BNC2: variants seen among roughly 807,000 people sequenced by gnomAD.
BNC2 encodes the protein basonuclin zinc finger protein 2.
Under a neutral mutation model 76.3 loss-of-function variants are expected in BNC2, and 20 were observed. That is an observed-to-expected ratio of 0.26 (90% CI 0.18 to 0.38). The LOEUF (loss-of-function observed/expected upper bound fraction) is 0.38. Among genes scored for constraint, BNC2 ranks in the 10% least tolerant of loss-of-function variants. The pLI, the probability that BNC2 is intolerant of heterozygous loss-of-function variation, is 1.00. For missense variants in BNC2, 1,382 were observed against 1,399.8 expected, an observed-to-expected ratio of 0.99 and a Z score of 0.20; for synonymous variants, 582 against 514.8, an observed-to-expected ratio of 1.13 and a Z score of -1.77.
intron 1 of BNC2, among the ~76,000 whole-genome samples, chr9:16,819,817 T>TG (rs1818274529): frequency 3.9e-5 from 6 of 151,910 alleles, no homozygotes; most frequent in Admixed American, 3.9e-4. Flanking sequence ...ATATGTATTT[T>TG]TTTTTTATCT....
intron 5 of BNC2, among the ~76,000 whole-genome samples, chr9:16,506,258 T>C (rs1314287938): frequency 6.6e-6 from 1 of 152,090 alleles, no homozygotes; most frequent in Non-Finnish European, 1.5e-5. Flanking sequence ...TATGTGAGAG[T>C]AGACGAAGGC....
Position 16,810,196 on chromosome 9 carries a change from C to G in BNC2, c.3+60450G>C, listed in dbSNP as rs192992923. Reference sequence around the variant, plus strand: ...CATTATAATATGAATTGTCCCTGACCTGTCTACTAGGGCCCACTGTTATGC... The same window carrying G: ...CATTATAATATGAATTGTCCCTGACGTGTCTACTAGGGCCCACTGTTATGC... On this transcript the variant is annotated intron_variant, in intron 1 of 6. Transcript: ENST00000380672. Among the ~76,000 whole-genome samples, 24 of 152,314 alleles carry G rather than the reference C, an allele frequency of 1.6e-4. No individual in the cohort carries two copies. In the East Asian group the frequency reaches 3.9e-3, roughly 24 times the overall value.
intron 3 of BNC2, among the ~76,000 whole-genome samples, chr9:16,660,177 G>A (rs139856173): frequency 0.011 from 1,749 of 152,254 alleles, 29 homozygotes; most frequent in African/African-American, 0.039. Context: ...CTTTGGGGCC[G>A]GGCGCGGTGG....
At chr9:16,803,555 G>C (rs1198499251) in intron 1 of BNC2, among the ~76,000 whole-genome samples, 1 of 152,194 alleles carries the variant, frequency 6.6e-6, no homozygotes, top group African/African-American at 2.4e-5. Context: ...TTGCAATGAA[G>C]GGAAGGACAT....
intron 1 of BNC2, among the ~76,000 whole-genome samples, chr9:16,796,924 C>T (rs2253548): frequency 0.99 from 150,288 of 152,304 alleles, 74,173 homozygotes; most frequent in East Asian, 1. Context: ...GCAAGTTGAA[C>T]ACTTGCTTCA....
intron 3 of BNC2, chr9:16,626,233 C>T (rs1346549763): frequency 1.3e-5 from 2 of 152,210 alleles, no homozygotes; most frequent in Admixed American, 6.5e-5. Context: ...GGCAACCACA[C>T]ATGACCCTGT....
intron 3 of BNC2, among the ~76,000 whole-genome samples, chr9:16,634,747 C>T (rs189328754): frequency 1.3e-5 from 2 of 152,182 alleles, no homozygotes; most frequent in East Asian, 1.9e-4. Flanking sequence ...GTGATCTACC[C>T]GCCTCAGCCT....
chr9:16,700,018 T>G (rs1199127150), intron 3 of BNC2, among the ~76,000 whole-genome samples: 1 of 152,252 alleles, frequency 6.6e-6, no homozygotes, highest in East Asian at 1.9e-4. Flanking sequence ...GTTGATCCAC[T>G]TTATCTTCTC....
At chr9:16,740,200 T>C (rs1306605977) in intron 1 of BNC2, among the ~76,000 whole-genome samples, 3 of 152,150 alleles carry the variant, frequency 2.0e-5, no homozygotes, top group Non-Finnish European at 4.4e-5. Flanking sequence ...AAGACTTATA[T>C]TTAGGGTATG....
chr9:16,714,961 C>G (rs1823955542), intron 3 of BNC2, among the ~76,000 whole-genome samples: 2 of 152,128 alleles, frequency 1.3e-5, no homozygotes, highest in African/African-American at 4.8e-5. Context: ...TTTCTTGAAG[C>G]AGGTATAAAA....
At chr9:16,580,102 T>C (rs1326538789) in intron 4 of BNC2, 2 of 398,446 alleles carry the variant, frequency 5.0e-6, no homozygotes, top group South Asian at 2.5e-4. Context: ...AAGAATGCTG[T>C]GTTTCACCTC....
chr9:16,814,858 C>T (rs1204811717), intron 1 of BNC2, among the ~76,000 whole-genome samples: 2 of 152,086 alleles, frequency 1.3e-5, no homozygotes, highest in African/African-American at 4.8e-5. Context: ...TTGACAAGTG[C>T]TTTTTTCTTC....
intron 1 of BNC2, among the ~76,000 whole-genome samples, chr9:16,834,246 T>C (rs1165326167): frequency 1.3e-5 from 2 of 152,178 alleles, no homozygotes; most frequent in African/African-American, 4.8e-5. Context: ...TAGTATTTAA[T>C]TTCTACTCTT....
intron 5 of BNC2, among the ~76,000 whole-genome samples, chr9:16,445,589 A>G (rs904694798): frequency 5.9e-5 from 9 of 152,152 alleles, no homozygotes; most frequent in African/African-American, 2.2e-4. Context: ...TCTCAACAGC[A>G]TCCCTTTACC....
In BNC2 at chr9:16,711,391, G is replaced by T. The variant is rs570810688; in HGVS notation, c.330+16406C>A. On this transcript the variant is annotated intron_variant, in intron 3 of 6. Transcript: ENST00000380672. ...GCTAGTTGCAGTATTAGACTGCACT[G>T]CTCTAATTAAAACGGAGTTTACATC... Among the ~76,000 whole-genome samples the T allele has an allele frequency of 6.6e-5, 10 of 152,240 alleles. No homozygotes were observed. The East Asian group carries it at 1.9e-3, about 29-fold the overall frequency.
rs58068661 is a variant in BNC2, at chr9:16,811,230, C to CAAAAAAAAA, written c.3+59407_3+59415dup. 1.6e-3 allele frequency among the ~76,000 whole-genome samples: 157 copies of CAAAAAAAAA among 97,512 alleles called. 1 individual carries two copies. The highest frequency in any genetic ancestry group is 5.4e-3 in the African/African-American group (144 of 26,596). 64.0% of individuals were successfully genotyped at this position (97,512 alleles called of 152,430 possible). A position where few individuals can be genotyped will look rare whatever the true frequency, so the allele number is the denominator to read the frequency against. On this transcript the variant is annotated intron_variant, in intron 1 of 6. Transcript: ENST00000380672. The stretch of plus-strand genomic sequence containing the variant: ...AGAGCGAGACTTCGTCTCAAAAGAC[C>CAAAAAAAAA]AAAAAAAAAAAAAACCAAAAAAACC...
chr9:16,475,260 C>T (rs1397946596), intron 5 of BNC2, among the ~76,000 whole-genome samples: 1 of 152,066 alleles, frequency 6.6e-6, no homozygotes, highest in Non-Finnish European at 1.5e-5. Context: ...GCCTTGTGAA[C>T]ACATCTGTGT....
intron 1 of BNC2, among the ~76,000 whole-genome samples, chr9:16,783,191 C>T (rs1826200280): frequency 6.6e-6 from 1 of 152,052 alleles, no homozygotes; most frequent in African/African-American, 2.4e-5. Flanking sequence ...TAGATTATAC[C>T]ACATTTCCTG....
rs545114414 is a variant in BNC2 at position 16,608,784 on chromosome 9, T to C, written c.331-25699A>G. 6.2e-4 allele frequency among the ~76,000 whole-genome samples: 95 copies of C among 152,136 alleles called. 1 individual carries two copies. Among genetic ancestry groups the C allele is most frequent in the Admixed American group, 1.4e-3 (22 of 15,274 alleles). ...CAGGGAGTCAGTGAGATCTGAAAAA[T>C]AGAGGTACTGTTTCCAAAGCCCGGC... On this transcript the variant is annotated intron_variant, in intron 3 of 6. Coordinates refer to ENST00000380672, the MANE Select transcript of BNC2 (RefSeq NM_017637.6).
Sources: allele counts gnomAD v4.1 joint callset (sites outside exome capture counted in the v4.1 genomes callset), GRCh38; gene constraint gnomAD v4.1.1; transcripts MANE v1.5; gene names NCBI Gene and HGNC (gene_info 2026-07-23, HGNC 2026-07-21).